Variants in BDP1 observed in about 807,000 individuals in gnomAD.
The protein encoded by BDP1 is transcription factor TFIIIB component B'' homolog.
In BDP1, 169 loss-of-function variants were observed where a neutral mutation model predicts 266.6. The observed-to-expected ratio is 0.63, with a 90% CI of 0.56 to 0.72. The LOEUF (loss-of-function observed/expected upper bound fraction) is 0.72. Among genes scored for constraint, BDP1 ranks in the 30% least tolerant of loss-of-function variants. The pLI is 0.00. For synonymous variants in BDP1, 1,090 were observed against 1,022.4 expected (o/e 1.07, Z -1.26); for missense variants, 3,015 against 3,053.8 (o/e 0.99, Z 0.30).
chr5:71,495,283 G>T lies in BDP1; in HGVS notation c.1674G>T (p.Glu558Asp). Residue 558 changes from glutamate (E) to aspartate (D), a missense_variant, in exon 12 of 39, where the codon GAG becomes GAT. Coordinates refer to ENST00000358731, the MANE Select transcript of BDP1 (RefSeq NM_018429.3). ...AAGATGCCACATCAGTAGCAACTGA[G>T]TCTTCAGAATCAAGCACTTCAGATT... Reference protein sequence around the residue: ...NQQDATSVATESSESSTSDLP... With the variant: ...NQQDATSVATDSSESSTSDLP... 6.3e-7 allele frequency: 1 copy of T among 1,588,872 alleles called. No homozygotes were observed.
chr5:71,546,463 C>G (rs749015254), intron 32 of BDP1, among the ~76,000 whole-genome samples: 42 of 151,116 alleles, frequency 2.8e-4, no homozygotes, highest in Non-Finnish European at 5.2e-4. Context: ...TACAAAAATA[C>G]AAAAATTAGC....
chr5:71,502,834 C>A, intron 15 of BDP1, 43 bp downstream of exon 15: 2 of 1,486,022 alleles, frequency 1.3e-6, no homozygotes, highest in Non-Finnish European at 1.9e-6. Context: ...TAAGCAAGTA[C>A]ATGAGCCTTA....
chr5:71,483,828 TTTG>T lies in BDP1; in HGVS notation c.1015-8_1015-6del, dbSNP rs763757024. 3.5e-5 allele frequency: 56 copies of T among 1,598,598 alleles called. 1 individual carries two copies. In the South Asian group the frequency reaches 5.9e-4, roughly 17 times the overall value. ...ATGAGAGAAAATTACCATAGGGTTT[TTTG>T]TTGTTAACAGAATAAATTTAAACGG... On this transcript the variant is annotated splice_polypyrimidine_tract_variant and intron_variant, in intron 7 of 38. Coordinates refer to ENST00000358731, the MANE Select transcript of BDP1 (RefSeq NM_018429.3).
chr5:71,557,415 C>T (rs368750488), intron 36 of BDP1, among the ~76,000 whole-genome samples: 5 of 123,292 alleles, frequency 4.1e-5, no homozygotes, highest in African/African-American at 1.6e-4. Context: ...GACGGTGTCT[C>T]GCTCTGTCAC....
At chr5:71,457,141 G>C (rs1761244502) in intron 1 of BDP1, among the ~76,000 whole-genome samples, 1 of 152,056 alleles carries the variant, frequency 6.6e-6, no homozygotes, top group Admixed American at 6.6e-5. Flanking sequence ...TTAATTATGT[G>C]TGAGTGCGTG....
rs1272543354 is a variant in BDP1 at position 71,489,490 on chromosome 5, G to C, written c.1300G>C (p.Asp434His). Residue 434 changes from aspartate (D) to histidine (H), a missense_variant, in exon 10 of 39, where the codon GAT becomes CAT. By Grantham distance (81) the Asp-to-His change is moderately conservative. This residue lies in a region of BDP1 where 2,383 missense variants were observed against 2,404.9 expected (regional missense o/e 0.99). Coordinates refer to ENST00000358731, the MANE Select transcript of BDP1 (RefSeq NM_018429.3). ...RISDTERSQK[D>H]AQTVEEESLT... is the part of the protein sequence containing the mutation. Reference sequence around the variant, plus strand: ...TTCAGACACGGAAAGATCTCAGAAGGATGCTCAGACAGTTGAAGAAGAGTC... The same window carrying C: ...TTCAGACACGGAAAGATCTCAGAAGCATGCTCAGACAGTTGAAGAAGAGTC... The C allele has an allele frequency of 3.1e-6, 5 of 1,614,082 alleles. No homozygotes were observed. Among genetic ancestry groups the C allele is most frequent in the African/African-American group, 1.3e-5 (1 of 75,040 alleles).
chr5:71,489,571 CAAAAG>C lies in BDP1; in HGVS notation c.1389_1393del (p.Arg464GlufsTer8). ...GGTTGCATTAGAAGTAGACCTAAAT[CAAAAG>C]AAAAGAAGGAGGAAGAAGCAAGATG... On this transcript the variant is annotated frameshift_variant, in exon 10 of 39. Transcript: ENST00000358731. LOFTEE classifies it high-confidence loss of function. 5.6e-6 allele frequency: 9 copies of C among 1,613,942 alleles called. No homozygotes were observed. Among genetic ancestry groups the C allele is most frequent in the Non-Finnish European group, 7.6e-6 (9 of 1,179,958 alleles).
At chr5:71,506,816 CACA>C (rs1764610857) in intron 16 of BDP1, among the ~76,000 whole-genome samples, 1 of 142,748 alleles carries the variant, frequency 7.0e-6, no homozygotes, top group Admixed American at 7.1e-5. Flanking sequence ...CACACACACA[CACA>C]CACACCCATA....
chr5:71,524,541 G>A (rs76890558), intron 25 of BDP1, among the ~76,000 whole-genome samples: 1 of 46,868 alleles, frequency 2.1e-5, no homozygotes, highest in African/African-American at 6.5e-5. Flanking sequence ...GTGTAACAAC[G>A]AGAGAAATCT....
intron 11 of BDP1, among the ~76,000 whole-genome samples, chr5:71,491,368 AT>A (rs1445148654): frequency 2.0e-5 from 3 of 148,968 alleles, no homozygotes; most frequent in Admixed American, 2.0e-4. Context: ...TTTTTTTCTG[AT>A]GTTTACTTTG....
chr5:71,489,883 G>T (rs1763486307), intron 10 of BDP1, among the ~76,000 whole-genome samples: 1 of 152,166 alleles, frequency 6.6e-6, no homozygotes, highest in South Asian at 2.1e-4. Context: ...AAAGTGGGGA[G>T]ATTGTTCTCT....
chr5:71,463,918 G>A, intron 3 of BDP1, 140 bp from the exon 4 acceptor site: 1 of 528,338 alleles, frequency 1.9e-6, no homozygotes, highest in African/African-American at 2.0e-5. Flanking sequence ...GTTGATTGTT[G>A]GATTGTACTG....
intron 24 of BDP1, 49 bp downstream of exon 24, chr5:71,522,998 T>C: frequency 6.7e-7 from 1 of 1,488,478 alleles, no homozygotes; most frequent in Non-Finnish European, 9.0e-7. Context: ...TAAAAATCAC[T>C]TAACTTTTAC....
At chr5:71,489,917 ACCT>A (rs1763488004) in intron 10 of BDP1, among the ~76,000 whole-genome samples, 1 of 152,156 alleles carries the variant, frequency 6.6e-6, no homozygotes, top group African/African-American at 2.4e-5. Flanking sequence ...AAGATGTATC[ACCT>A]CCTGTGCATT....
Position 71,562,873 on chromosome 5 carries a change from A to G in BDP1, c.7743+353A>G, listed in dbSNP as rs958885282. 58 of 1,292,464 alleles carry G rather than the reference A, an allele frequency of 4.5e-5. No homozygotes were observed. In the East Asian group the frequency reaches 9.8e-4, roughly 22 times the overall value. 80.1% of individuals were successfully genotyped at this position (1,292,464 alleles called of 1,614,324 possible). ...GAATTTGTTCACATGTTTCATTTCT[A>G]TGTCTCCTGAAGCTGTCCAATGGCA... is the stretch of plus-strand genomic sequence containing the variant. On this transcript the variant is annotated intron_variant, in intron 38 of 38. Transcript: ENST00000358731.
At chr5:71,487,024 G>A (rs767479343) in intron 9 of BDP1, among the ~76,000 whole-genome samples, 1 of 152,164 alleles carries the variant, frequency 6.6e-6, no homozygotes, top group Non-Finnish European at 1.5e-5. Flanking sequence ...TATTGGTTGA[G>A]CGTAACTTAT....
intron 13 of BDP1, among the ~76,000 whole-genome samples, chr5:71,499,342 C>T (rs902587471): frequency 6.6e-6 from 1 of 152,172 alleles, no homozygotes; most frequent in Admixed American, 6.5e-5. Flanking sequence ...TTCAGCTGAC[C>T]ACGGTGGCAC....
intron 21 of BDP1, among the ~76,000 whole-genome samples, chr5:71,517,042 A>G (rs1765259805): frequency 6.6e-6 from 1 of 152,168 alleles, no homozygotes; most frequent in African/African-American, 2.4e-5. Context: ...CAGAATGTGA[A>G]CATTACATAT....
chr5:71,540,355 T>C (rs1580177233), intron 28 of BDP1, among the ~76,000 whole-genome samples: 2 of 152,278 alleles, frequency 1.3e-5, no homozygotes, highest in Admixed American at 1.3e-4. Flanking sequence ...GAAGCAGAGT[T>C]TCGCTCTTGT....
Sources: gnomAD v4.1 joint callset for allele counts (sites outside exome capture counted in the v4.1 genomes callset) on GRCh38, gnomAD v4.1.1 for gene constraint, gnomAD v4.1.1 regional missense constraint, MANE v1.5 for transcripts, NCBI Gene and HGNC (gene_info 2026-07-23, HGNC 2026-07-21) for gene names.